The following GPR180 variants were observed in gnomAD, a reference collection of about 807,000 sequenced individuals.
The protein encoded by GPR180 is G protein-coupled receptor 180, also known as integral membrane protein GPR180.
Under a neutral mutation model 52.6 loss-of-function variants are expected in GPR180, and 53 were observed. The observed-to-expected ratio is 1.01, with a 90% CI of 0.81 to 1.27. The LOEUF is 1.27. GPR180 is among the 50% of genes most tolerant of loss of function. The pLI is 0.00. For missense variants in GPR180, 533 were observed against 527.0 expected (o/e 1.01, Z -0.11); for synonymous variants, 200 against 193.1 (o/e 1.04, Z -0.30).
chr13:94,604,768 G>A (rs1425724262), intron 1 of GPR180, among the ~76,000 whole-genome samples: 1 of 151,670 alleles, frequency 6.6e-6, no homozygotes, highest in Non-Finnish European at 1.5e-5. Context: ...ATAGCAACAG[G>A]ATCTCACTTT....
chr13:94,605,575 C>G (rs747455725), intron 2 of GPR180, 26 bp downstream of exon 2: 2 of 1,586,632 alleles, frequency 1.3e-6, no homozygotes, highest in Middle Eastern at 1.7e-4. Context: ...TTTCTTTGAT[C>G]ATTAGATATA....
chr13:94,606,973 G>A (rs1889641312), intron 2 of GPR180, among the ~76,000 whole-genome samples: 1 of 152,172 alleles, frequency 6.6e-6, no homozygotes, highest in South Asian at 2.1e-4. Flanking sequence ...TTGCACATAT[G>A]TGTAAAAGGT....
intron 8 of GPR180, among the ~76,000 whole-genome samples, chr13:94,626,416 A>G (rs1161771029): frequency 6.6e-6 from 1 of 152,170 alleles, no homozygotes; most frequent in Non-Finnish European, 1.5e-5. Flanking sequence ...TACAAACCAG[A>G]GTGCCATGCT....
At position 94,626,040 on chromosome 13, in the gene GPR180, CAAGGT is replaced by C; in HGVS notation, c.1164+1_1164+5del. ...TCATTTTTAGCGACTACCAAAGAGACAAGGTAAGAAATATACATGATCAAAGTAGT... is the reference window on the plus strand; with the variant it reads ...TCATTTTTAGCGACTACCAAAGAGACAAGAAATATACATGATCAAAGTAGT... On this transcript the variant is annotated splice_donor_variant and coding_sequence_variant, in exon 8 of 9. Transcript: ENST00000376958. LOFTEE classifies it high-confidence loss of function. The C allele has an allele frequency of 6.2e-7, 1 of 1,603,394 alleles. No homozygotes were observed. The highest frequency in any genetic ancestry group is 1.1e-5 in the South Asian group (1 of 90,694).
intron 2 of GPR180, among the ~76,000 whole-genome samples, chr13:94,609,941 A>G (rs1240568797): frequency 6.6e-6 from 1 of 152,170 alleles, no homozygotes; most frequent in East Asian, 1.9e-4. Context: ...AAGACAACCT[A>G]TAAATAACAT....
intron 1 of GPR180, among the ~76,000 whole-genome samples, chr13:94,603,268 A>G (rs1330066370): frequency 1.3e-5 from 2 of 152,196 alleles, no homozygotes; most frequent in Non-Finnish European, 2.9e-5. Context: ...GAGTATTGAC[A>G]GCCACTGTCT....
chr13:94,602,185 T>A, intron 1 of GPR180, 113 bp downstream of exon 1: 1 of 1,010,072 alleles, frequency 9.9e-7, no homozygotes, highest in Non-Finnish European at 1.3e-6. Flanking sequence ...GCCGGCGACT[T>A]CCCCAGCCTC....
At chr13:94,626,419 G>A (rs1020586682) in intron 8 of GPR180, among the ~76,000 whole-genome samples, 4 of 152,120 alleles carry the variant, frequency 2.6e-5, no homozygotes, top group Admixed American at 2.6e-4. Context: ...AAACCAGAGT[G>A]CCATGCTCAA....
chr13:94,614,227 T>C (rs1889748770), intron 3 of GPR180, among the ~76,000 whole-genome samples: 1 of 152,222 alleles, frequency 6.6e-6, no homozygotes, highest in Non-Finnish European at 1.5e-5. Context: ...TTTTTAGGAC[T>C]GGTCAAGGCT....
chr13:94,616,793 G>A (rs1053507918), intron 3 of GPR180, among the ~76,000 whole-genome samples: 1 of 152,088 alleles, frequency 6.6e-6, no homozygotes, highest in African/African-American at 2.4e-5. Context: ...ATTTTTGCTT[G>A]TGGCAAAACA....
chr13:94,622,111 T>C (rs753850646), intron 6 of GPR180, among the ~76,000 whole-genome samples: 5 of 96,694 alleles, frequency 5.2e-5, no homozygotes, highest in Non-Finnish European at 8.0e-5. Flanking sequence ...TGAATTTACA[T>C]GAATGATTTG....
At chr13:94,622,362 CA>C (rs1216778439) in intron 6 of GPR180, among the ~76,000 whole-genome samples, 2 of 151,822 alleles carry the variant, frequency 1.3e-5, no homozygotes, top group African/African-American at 4.8e-5. Context: ...TTGTCATAGA[CA>C]AATATGAATT....
intron 1 of GPR180, among the ~76,000 whole-genome samples, chr13:94,603,229 T>C (rs1016962802): frequency 5.9e-5 from 9 of 152,228 alleles, no homozygotes; most frequent in Non-Finnish European, 1.2e-4. Flanking sequence ...ATTTTGAGTT[T>C]CTCATTCAAC....
chr13:94,612,608 A>G (rs992776298), intron 3 of GPR180, among the ~76,000 whole-genome samples: 1 of 152,190 alleles, frequency 6.6e-6, no homozygotes, highest in African/African-American at 2.4e-5. Flanking sequence ...AGAATAAAAC[A>G]GAAAGAAGCA....
chr13:94,601,956 C>A lies in GPR180; in HGVS notation c.29C>A (p.Ala10Asp). The A allele has an allele frequency of 6.7e-7, 1 of 1,497,896 alleles. No homozygotes were observed. The allele number at this position is 1,497,896 out of a possible 1,614,324, so 92.8% of individuals were successfully genotyped here. A position where few individuals can be genotyped will look rare whatever the true frequency, so the allele number is the denominator to read the frequency against. ...GGGGGGCTGCGGCTGCTGGCTGTGG[C>A]CCTCACGTGCTGCTGGTGGCCGCAG... MGGLRLLAV[A>D]LTCCWWPQGS... is the part of the protein sequence containing the mutation. The change falls in exon 1 of 9, where the codon GCC (alanine) becomes GAC (aspartate). Residue 10 changes from alanine to aspartate, a missense_variant. Ala to Asp is a moderately radical substitution (Grantham distance 126, BLOSUM62 -2). Transcript: ENST00000376958.
intron 3 of GPR180, among the ~76,000 whole-genome samples, chr13:94,615,284 A>C (rs1247835918): frequency 6.6e-6 from 1 of 152,214 alleles, no homozygotes; most frequent in African/African-American, 2.4e-5. Context: ...TGTTCAATTC[A>C]TTTTAGAAAC....
At chr13:94,605,612 T>C (rs1889619034) in intron 2 of GPR180, 63 bp downstream of exon 2, 5 of 1,333,364 alleles carry the variant, frequency 3.7e-6, no homozygotes, top group Admixed American at 2.0e-5. Context: ...TGTTGAAATA[T>C]AGTACCATAT....
In GPR180 at chr13:94,630,277, G is replaced by A. The variant is rs547623273; in HGVS notation, c.*3106G>A. On this transcript the variant is annotated 3_prime_UTR_variant, in exon 9 of 9. Coordinates refer to ENST00000376958, the MANE Select transcript of GPR180 (RefSeq NM_180989.6). ...CTGCACAGCTCCAGGGGCATCATAT[G>A]TGTTGTGCTGTAGGAGTGCCATGAA... 7.2e-5 allele frequency: 11 copies of A among 152,288 alleles called. No individual in the cohort carries two copies. The highest frequency in any genetic ancestry group is 4.1e-4 in the South Asian group (2 of 4,830). The allele number at this position is 152,288 out of a possible 1,614,324, so 9.4% of individuals were successfully genotyped here.
intron 8 of GPR180, among the ~76,000 whole-genome samples, chr13:94,626,342 A>C (rs1157052675): frequency 6.6e-6 from 1 of 152,168 alleles, no homozygotes; most frequent in African/African-American, 2.4e-5. Flanking sequence ...AAAATGATTA[A>C]AATTTTTCTT....
Sources: gnomAD v4.1 joint callset for allele counts (sites outside exome capture counted in the v4.1 genomes callset) on GRCh38, gnomAD v4.1.1 for gene constraint, MANE v1.5 for transcripts, NCBI Gene and HGNC (gene_info 2026-07-23, HGNC 2026-07-21) for gene names.